The following STXBP5L variants were observed in gnomAD, a reference collection of about 807,000 sequenced individuals.
The protein encoded by STXBP5L is syntaxin-binding protein 5-like.
Under a neutral mutation model 144.5 loss-of-function variants are expected in STXBP5L, and 65 were observed. The ratio of observed to expected loss-of-function variants is 0.45; its 90% CI spans 0.37 to 0.55. The LOEUF is 0.55. STXBP5L is among the 20% of genes least tolerant of loss of function. STXBP5L has a pLI of 0.00. For missense variants in STXBP5L, 1,298 were observed against 1,405.5 expected (o/e 0.92, Z 1.22); for synonymous variants, 505 against 469.6 (o/e 1.08, Z -0.97).
intron 3 of STXBP5L, among the ~76,000 whole-genome samples, chr3:121,006,211 A>T (rs1245179351): frequency 6.6e-6 from 1 of 152,048 alleles, no homozygotes; most frequent in Non-Finnish European, 1.5e-5. Flanking sequence ...GTCTCTAAGG[A>T]CTTGCTTTGT....
At chr3:121,071,195 C>A (rs2041797704) in intron 5 of STXBP5L, among the ~76,000 whole-genome samples, 1 of 152,158 alleles carries the variant, frequency 6.6e-6, no homozygotes, top group South Asian at 2.1e-4. Context: ...TGCACAGGCA[C>A]CCTTCTAGGC....
At chr3:121,028,895 T>C (rs1473727044) in intron 3 of STXBP5L, among the ~76,000 whole-genome samples, 1 of 151,728 alleles carries the variant, frequency 6.6e-6, no homozygotes, top group African/African-American at 2.4e-5. Context: ...AGTTGGCTGA[T>C]TGATTAGAAA....
At chr3:120,925,208 A>G (rs923831088) in intron 2 of STXBP5L, 1 of 152,176 alleles carries the variant, frequency 6.6e-6, no homozygotes, top group Non-Finnish European at 1.5e-5. Flanking sequence ...CCCTAATGAC[A>G]ATGTCCACAC....
intron 9 of STXBP5L, among the ~76,000 whole-genome samples, chr3:121,200,337 A>G (rs907065526): frequency 6.6e-5 from 10 of 152,000 alleles, no homozygotes; most frequent in Non-Finnish European, 1.2e-4. Context: ...TATCCCCTTT[A>G]TCATTTCTTA....
intron 4 of STXBP5L, among the ~76,000 whole-genome samples, chr3:121,043,472 A>G (rs1032173208): frequency 6.6e-6 from 1 of 151,988 alleles, no homozygotes; most frequent in African/African-American, 2.4e-5. Flanking sequence ...GCACTTTGGG[A>G]AGTTAAGGTG....
At chr3:120,991,920 C>G (rs972088514) in intron 3 of STXBP5L, among the ~76,000 whole-genome samples, 1 of 152,132 alleles carries the variant, frequency 6.6e-6, no homozygotes, top group Non-Finnish European at 1.5e-5. Flanking sequence ...ATGTAACTAA[C>G]ATGCACGTTG....
At chr3:121,104,608 A>G (rs1385471816) in intron 5 of STXBP5L, among the ~76,000 whole-genome samples, 2 of 152,180 alleles carry the variant, frequency 1.3e-5, no homozygotes, top group Admixed American at 6.5e-5. Context: ...CTTACAGCCA[A>G]CTGATCTTTG....
chr3:120,977,428 C>T (rs924917222), intron 3 of STXBP5L, among the ~76,000 whole-genome samples: 1 of 152,110 alleles, frequency 6.6e-6, no homozygotes, highest in Non-Finnish European at 1.5e-5. Context: ...TATTTTGAGC[C>T]TATATCTGTC....
At chr3:121,324,281 GC>G (rs1185673993) in intron 20 of STXBP5L, among the ~76,000 whole-genome samples, 1 of 152,060 alleles carries the variant, frequency 6.6e-6, no homozygotes, top group East Asian at 1.9e-4. Flanking sequence ...ATTCCTATGT[GC>G]CTAAAGTCCT....
chr3:121,368,532 C>T (rs183875235), intron 20 of STXBP5L, among the ~76,000 whole-genome samples: 1 of 151,320 alleles, frequency 6.6e-6, no homozygotes, highest in African/African-American at 2.4e-5. Flanking sequence ...TTCCCTGTCT[C>T]TTTGTGTACA....
chr3:121,347,355 G>A (rs922050143), intron 20 of STXBP5L, among the ~76,000 whole-genome samples: 1 of 152,136 alleles, frequency 6.6e-6, no homozygotes, highest in Non-Finnish European at 1.5e-5. Context: ...GGTTACTGTA[G>A]CCTTGTAGTG....
At chr3:121,077,020 C>T (rs991547929) in intron 5 of STXBP5L, among the ~76,000 whole-genome samples, 1 of 152,166 alleles carries the variant, frequency 6.6e-6, no homozygotes, top group Non-Finnish European at 1.5e-5. Context: ...AGCACACAGT[C>T]CATGATAAGA....
intron 5 of STXBP5L, among the ~76,000 whole-genome samples, chr3:121,075,884 T>C (rs997990774): frequency 1.3e-5 from 2 of 152,220 alleles, no homozygotes; most frequent in Non-Finnish European, 2.9e-5. Context: ...TTCTCCAGCC[T>C]CTAGAGAGCA....
Position 121,225,161 on chromosome 3 carries a change from C to A in STXBP5L, c.1111+2004C>A, listed in dbSNP as rs189225141. Among the ~76,000 whole-genome samples the A allele has an allele frequency of 8.5e-5, 13 of 152,204 alleles. No homozygotes were observed. In the East Asian group the frequency reaches 2.3e-3, roughly 27 times the overall value. ...TTTCTGACCATATATCCACCTCAAG[C>A]AGAACCTAGTCCAAACCAGGACCCC... On this transcript the variant is annotated intron_variant, in intron 11 of 26. Transcript: ENST00000471454.
intron 2 of STXBP5L, among the ~76,000 whole-genome samples, chr3:120,913,467 A>G (rs1028040747): frequency 3.3e-5 from 5 of 152,078 alleles, no homozygotes; most frequent in Non-Finnish European, 1.5e-5. Context: ...AGATGCATAT[A>G]CATGATTGGT....
At chr3:121,312,517 G>A (rs570276566) in intron 19 of STXBP5L, among the ~76,000 whole-genome samples, 208 of 126,262 alleles carry the variant, frequency 1.6e-3, no homozygotes, top group African/African-American at 6.2e-3. Flanking sequence ...AGGGGGATTT[G>A]GCAGGGTCAT....
chr3:121,158,697 G>A (rs892835803), intron 9 of STXBP5L: 2 of 152,018 alleles, frequency 1.3e-5, no homozygotes, highest in African/African-American at 4.8e-5. Context: ...TTATTTCTAC[G>A]ATAGGGGATA....
chr3:121,419,182 G>T lies in STXBP5L; in HGVS notation c.*85G>T, dbSNP rs751815984. 4.7e-5 allele frequency: 60 copies of T among 1,288,484 alleles called. No homozygotes were observed. The highest frequency in any genetic ancestry group is 6.2e-5 in the Non-Finnish European group (57 of 923,036). The allele number at this position is 1,288,484 out of a possible 1,614,324, so 79.8% of individuals were successfully genotyped here. A position where few individuals can be genotyped will look rare whatever the true frequency, so the allele number is the denominator to read the frequency against. On this transcript the variant is annotated 3_prime_UTR_variant, in exon 27 of 27. Transcript: ENST00000471454. Reference sequence around the variant, plus strand: ...CAGCATCACTACTCAACTGCTAGAAGCCAGTTTCTTCTACAAAATGTTCCA... The same window carrying T: ...CAGCATCACTACTCAACTGCTAGAATCCAGTTTCTTCTACAAAATGTTCCA...
At chr3:121,156,853 G>A (rs1048259294) in intron 8 of STXBP5L, among the ~76,000 whole-genome samples, 8 of 151,914 alleles carry the variant, frequency 5.3e-5, no homozygotes, top group African/African-American at 1.9e-4. Context: ...GATATTCATA[G>A]GTTGTATGCA....
Sources: gnomAD v4.1 joint callset for allele counts (sites outside exome capture counted in the v4.1 genomes callset) on GRCh38, gnomAD v4.1.1 for gene constraint, MANE v1.5 for transcripts, NCBI Gene and HGNC (gene_info 2026-07-23, HGNC 2026-07-21) for gene names.